ZNF385B: variants seen among roughly 807,000 people sequenced by gnomAD.
ZNF385B encodes the protein zinc finger protein 533.
A neutral mutation model predicts 39.2 loss-of-function variants in ZNF385B; 23 were observed. The observed-to-expected ratio is 0.59, with a 90% CI of 0.42 to 0.83. The LOEUF (loss-of-function observed/expected upper bound fraction) is 0.83. ZNF385B is among the 40% of genes least tolerant of loss of function. The probability of loss-of-function intolerance (pLI) is 0.00; values close to 1 mark genes in which losing one functional copy is unlikely to be tolerated. For missense variants in ZNF385B, 552 were observed against 598.9 expected (o/e 0.92, Z 0.82); for synonymous variants, 205 against 222.6 (o/e 0.92, Z 0.70).
At chr2:179,511,752 T>C (rs1449217755) in intron 5 of ZNF385B, among the ~76,000 whole-genome samples, 1 of 152,292 alleles carries the variant, frequency 6.6e-6, no homozygotes, top group African/African-American at 2.4e-5. Flanking sequence ...ATCATTCTAA[T>C]GTAAATCAAT....
At chr2:179,638,388 G>T (rs191145226) in intron 3 of ZNF385B, among the ~76,000 whole-genome samples, 1 of 152,122 alleles carries the variant, frequency 6.6e-6, no homozygotes, top group Non-Finnish European at 1.5e-5. Flanking sequence ...AAGAATTTTC[G>T]AATCTGGCTC....
intron 6 of ZNF385B, among the ~76,000 whole-genome samples, chr2:179,457,201 T>C (rs1348721737): frequency 2.0e-5 from 3 of 152,198 alleles, no homozygotes; most frequent in African/African-American, 7.2e-5. Context: ...TGTATTATTA[T>C]AGACAGAAGG....
At chr2:179,550,900 A>C (rs2105925703) in intron 3 of ZNF385B, among the ~76,000 whole-genome samples, 1 of 134,568 alleles carries the variant, frequency 7.4e-6, no homozygotes, top group Non-Finnish European at 1.6e-5. Flanking sequence ...TGCACTCTGA[A>C]AGAAAATGCT....
chr2:179,488,737 G>A (rs951464473), intron 5 of ZNF385B, among the ~76,000 whole-genome samples: 3 of 152,190 alleles, frequency 2.0e-5, no homozygotes, highest in Admixed American at 2.0e-4. Flanking sequence ...AATGTGTTAA[G>A]CAGTGTTATA....
chr2:179,494,072 T>A (rs2055885999), intron 5 of ZNF385B, among the ~76,000 whole-genome samples: 1 of 151,710 alleles, frequency 6.6e-6, no homozygotes. Flanking sequence ...TATAAAAAAA[T>A]AAAGACAAGT....
chr2:179,834,547 A>G (rs1166765528), intron 1 of ZNF385B, among the ~76,000 whole-genome samples: 7 of 152,170 alleles, frequency 4.6e-5, no homozygotes, highest in Non-Finnish European at 1.0e-4. Context: ...ACGGGGGGAA[A>G]GTTTTTCTTC....
At chr2:179,535,834 C>G (rs2059528212) in intron 4 of ZNF385B, among the ~76,000 whole-genome samples, 1 of 152,134 alleles carries the variant, frequency 6.6e-6, no homozygotes. Context: ...TCTTTAGCAC[C>G]CTCAAAAGCA....
intron 1 of ZNF385B, among the ~76,000 whole-genome samples, chr2:179,833,393 G>C (rs183615540): frequency 6.6e-6 from 1 of 152,000 alleles, no homozygotes; most frequent in East Asian, 1.9e-4. Context: ...CAATAAAAAC[G>C]TATACACAGT....
chr2:179,612,626 G>T (rs1197046632), intron 3 of ZNF385B, among the ~76,000 whole-genome samples: 1 of 152,168 alleles, frequency 6.6e-6, no homozygotes, highest in Non-Finnish European at 1.5e-5. Flanking sequence ...GGAGCTGGGG[G>T]ATGGGTGACA....
At chr2:179,614,075 G>A (rs144356772) in intron 3 of ZNF385B, among the ~76,000 whole-genome samples, 4 of 151,186 alleles carry the variant, frequency 2.6e-5, no homozygotes, top group East Asian at 1.9e-4. Flanking sequence ...TGTGACACAC[G>A]GCTGCTGCCA....
intron 3 of ZNF385B, chr2:179,576,302 C>T (rs1352292948): frequency 4.8e-6 from 2 of 418,570 alleles, no homozygotes; most frequent in Non-Finnish European, 6.4e-6. Context: ...TACTCCTCTA[C>T]TTAGAATCCT....
rs71029828 is a variant in ZNF385B at position 179,696,326 on chromosome 2, C to CTT, written c.298+73175_298+73176dup. Among the ~76,000 whole-genome samples, 254 of 40,336 alleles carry CTT rather than the reference C, an allele frequency of 6.3e-3. 70 individuals carry two copies. Among genetic ancestry groups the CTT allele is most frequent in the African/African-American group, 0.013 (125 of 9,596 alleles). The allele number at this position is 40,336 out of a possible 152,430, so 26.5% of individuals were successfully genotyped here. On this transcript the variant is annotated intron_variant, in intron 3 of 9. Coordinates refer to ENST00000410066, the MANE Select transcript of ZNF385B (RefSeq NM_152520.6). Reference sequence around the variant, plus strand: ...CTGGGACACTAGGTACAAACTGGGACTTTTTTTTTTTTTTTTTTTTTTTGC... The same window carrying CTT: ...CTGGGACACTAGGTACAAACTGGGACTTTTTTTTTTTTTTTTTTTTTTTTTGC...
In ZNF385B at chr2:179,555,444, ACATT is replaced by A. The variant is rs968612273; in HGVS notation, c.299-10479_299-10476del. Among the ~76,000 whole-genome samples, 22 of 149,410 alleles carry A rather than the reference ACATT, an allele frequency of 1.5e-4. 1 individual carries two copies. The highest frequency in any genetic ancestry group is 5.6e-4 in the African/African-American group (22 of 39,622). On this transcript the variant is annotated intron_variant, in intron 3 of 9. Transcript: ENST00000410066. Reference sequence around the variant, plus strand: ...CTACACATGTATGCTATATTTGTGTACATTCATTCAACTGCACACTTATGTGCAC... The same window carrying A: ...CTACACATGTATGCTATATTTGTGTACATTCAACTGCACACTTATGTGCAC...
intron 3 of ZNF385B, among the ~76,000 whole-genome samples, chr2:179,753,082 C>A (rs2106472526): frequency 6.6e-6 from 1 of 152,228 alleles, no homozygotes; most frequent in African/African-American, 2.4e-5. Context: ...ACATTTAAGT[C>A]TTTAATCTAT....
At position 179,644,245 on chromosome 2, in the gene ZNF385B, C is replaced by T. The variant is rs796196655; in HGVS notation, c.299-99276G>A. On this transcript the variant is annotated intron_variant, in intron 3 of 9. Transcript: ENST00000410066. ...TCGCTTTGTTAGTGCCACCAGCATTCGATGAAGGTAATGTTAGCAGTTCAC... is the reference window on the plus strand; with the variant it reads ...TCGCTTTGTTAGTGCCACCAGCATTTGATGAAGGTAATGTTAGCAGTTCAC... Among the ~76,000 whole-genome samples the T allele has an allele frequency of 9.2e-5, 14 of 152,208 alleles. 1 individual carries two copies. The highest frequency in any genetic ancestry group is 2.6e-4 in the African/African-American group (11 of 41,542).
At chr2:179,459,674 AATTT>A (rs1380213344) in intron 6 of ZNF385B, among the ~76,000 whole-genome samples, 4 of 151,304 alleles carry the variant, frequency 2.6e-5, no homozygotes, top group African/African-American at 9.7e-5. Context: ...TGTAAATCTT[AATTT>A]ATAAGTCTAT....
At chr2:179,481,318 C>T (rs558692296) in intron 6 of ZNF385B, among the ~76,000 whole-genome samples, 36 of 151,862 alleles carry the variant, frequency 2.4e-4, no homozygotes, top group African/African-American at 5.3e-4. Flanking sequence ...AACTATAATC[C>T]GGGCCCCTTT....
At position 179,464,354 on chromosome 2, in the gene ZNF385B, T is replaced by G. The variant is rs530095123; in HGVS notation, c.716-17584A>C. On this transcript the variant is annotated intron_variant, in intron 6 of 9. Transcript: ENST00000410066. ...CTGTGCAGAAGCTCTTTAGTTTAAT[T>G]ATATCCCATTTGTCAATTTTGGCTT... Among the ~76,000 whole-genome samples the G allele has an allele frequency of 1.5e-4, 23 of 152,360 alleles. No homozygotes were observed. In the East Asian group the frequency reaches 3.7e-3, roughly 24 times the overall value.
intron 5 of ZNF385B, among the ~76,000 whole-genome samples, chr2:179,491,096 C>T (rs1429524168): frequency 2.0e-5 from 3 of 152,066 alleles, no homozygotes; most frequent in Non-Finnish European, 2.9e-5. Context: ...AGATTTTTCT[C>T]TCACAAACCT....
Sources: allele counts gnomAD v4.1 joint callset (sites outside exome capture counted in the v4.1 genomes callset), GRCh38; gene constraint gnomAD v4.1.1; transcripts MANE v1.5; gene names NCBI Gene and HGNC (gene_info 2026-07-23, HGNC 2026-07-21).